Variants in DAB1 observed in about 807,000 individuals in gnomAD.
The protein encoded by DAB1 is DAB adaptor protein 1, also known as disabled homolog 1.
Under a neutral mutation model 64.6 loss-of-function variants are expected in DAB1, and 15 were observed. The ratio of observed to expected loss-of-function variants is 0.23; its 90% CI spans 0.16 to 0.36. The LOEUF is 0.36. Ranked by LOEUF, DAB1 falls within the 10% of genes least tolerant of loss-of-function variation. The pLI, the probability that DAB1 is intolerant of heterozygous loss-of-function variation, is 1.00. For synonymous variants in DAB1, 235 were observed against 251.9 expected (o/e 0.93, Z 0.64); for missense variants, 596 against 706.7 (o/e 0.84, Z 1.78).
intron 3 of DAB1, among the ~76,000 whole-genome samples, chr1:58,454,842 T>G (rs1009774626): frequency 6.6e-6 from 1 of 152,210 alleles, no homozygotes; most frequent in Non-Finnish European, 1.5e-5. Context: ...CACACCCTCT[T>G]CCTACCTTTG....
chr1:57,910,045 C>T (rs1362548092), intron 5 of DAB1, among the ~76,000 whole-genome samples: 1 of 152,186 alleles, frequency 6.6e-6, no homozygotes, highest in African/African-American at 2.4e-5. Context: ...GACTTGAGTT[C>T]CCATTAATTA....
At chr1:58,235,027 C>T (rs1316669317) in intron 4 of DAB1, among the ~76,000 whole-genome samples, 1 of 152,226 alleles carries the variant, frequency 6.6e-6, no homozygotes, top group African/African-American at 2.4e-5. Context: ...CTATTCGTGG[C>T]CTTGTCTCTA....
At chr1:58,147,685 C>T (rs1273023989) in intron 5 of DAB1, among the ~76,000 whole-genome samples, 1 of 151,852 alleles carries the variant, frequency 6.6e-6, no homozygotes, top group Non-Finnish European at 1.5e-5. Flanking sequence ...ATAGAACTAC[C>T]ATATGGCTCA....
intron 4 of DAB1, among the ~76,000 whole-genome samples, chr1:57,096,254 G>A (rs909729754): frequency 6.6e-6 from 1 of 152,112 alleles, no homozygotes; most frequent in African/African-American, 2.4e-5. Context: ...AATCCACAAA[G>A]CATACCAATT....
intron 1 of DAB1, among the ~76,000 whole-genome samples, chr1:57,318,503 C>T (rs893980422): frequency 1.3e-4 from 20 of 152,082 alleles, no homozygotes; most frequent in African/African-American, 4.1e-4. Context: ...ACTCAGCCTT[C>T]GAGAATCAGA....
At chr1:57,077,835 G>A (rs1652128304) in intron 4 of DAB1, among the ~76,000 whole-genome samples, 1 of 152,044 alleles carries the variant, frequency 6.6e-6, no homozygotes, top group African/African-American at 2.4e-5. Context: ...ATTAGTATGT[G>A]TGTGTATGTG....
At chr1:58,372,058 AG>A (rs1644268853) in intron 3 of DAB1, among the ~76,000 whole-genome samples, 1 of 152,176 alleles carries the variant, frequency 6.6e-6, no homozygotes, top group East Asian at 1.9e-4. Context: ...TGGAGCTGTA[AG>A]AAGAAGGCCA....
chr1:57,066,126 C>T (rs1453481028), intron 8 of DAB1, among the ~76,000 whole-genome samples: 13 of 152,040 alleles, frequency 8.6e-5, no homozygotes, highest in Middle Eastern at 3.2e-3. Context: ...TTAAAAATAA[C>T]GATACTTGAC....
At chr1:58,130,692 T>G (rs1653493767) in intron 5 of DAB1, among the ~76,000 whole-genome samples, 1 of 151,608 alleles carries the variant, frequency 6.6e-6, no homozygotes, top group Non-Finnish European at 1.5e-5. Flanking sequence ...GTCTGTAAAG[T>G]ATTTTATTTC....
intron 4 of DAB1, among the ~76,000 whole-genome samples, chr1:58,209,563 T>C (rs1658448945): frequency 6.6e-6 from 1 of 152,120 alleles, no homozygotes; most frequent in African/African-American, 2.4e-5. Flanking sequence ...TTGCATAATG[T>C]TTTCTTAAAG....
intron 1 of DAB1, among the ~76,000 whole-genome samples, chr1:57,387,620 G>A (rs56168067): frequency 0.082 from 12,470 of 152,000 alleles, 597 homozygotes; most frequent in Middle Eastern, 0.11. Context: ...TCAGGAGTTC[G>A]TGAGTAGCTT....
chr1:58,078,245 C>T (rs1649774494), intron 5 of DAB1, among the ~76,000 whole-genome samples: 1 of 152,206 alleles, frequency 6.6e-6, no homozygotes, highest in African/African-American at 2.4e-5. Context: ...TCTGCCCTGA[C>T]CCCCTAAATC....
At chr1:57,245,076 G>A (rs1668762215) in intron 2 of DAB1, among the ~76,000 whole-genome samples, 1 of 152,174 alleles carries the variant, frequency 6.6e-6, no homozygotes, top group Admixed American at 6.5e-5. Context: ...CTTGTTGAAT[G>A]GTTTTGAACA....
intron 3 of DAB1, among the ~76,000 whole-genome samples, chr1:58,421,909 C>T (rs930345532): frequency 6.6e-6 from 1 of 152,088 alleles, no homozygotes; most frequent in African/African-American, 2.4e-5. Context: ...TGAATCCCAG[C>T]TCAGCCACTT....
intron 1 of DAB1, among the ~76,000 whole-genome samples, chr1:57,291,411 G>C (rs1672764580): frequency 6.6e-6 from 1 of 152,082 alleles, no homozygotes; most frequent in Non-Finnish European, 1.5e-5. Flanking sequence ...ATTTATAAGA[G>C]GGACAAAACC....
At chr1:57,406,616 A>C (rs1683660555) in intron 1 of DAB1, among the ~76,000 whole-genome samples, 1 of 152,186 alleles carries the variant, frequency 6.6e-6, no homozygotes, top group Admixed American at 6.5e-5. Context: ...CATCATCTTC[A>C]TCATTGCATC....
At chr1:57,279,503 C>T (rs909195436) in intron 2 of DAB1, among the ~76,000 whole-genome samples, 4 of 152,124 alleles carry the variant, frequency 2.6e-5, no homozygotes, top group East Asian at 1.9e-4. Flanking sequence ...AGCAGGGTCT[C>T]GAATAGATAG....
At chr1:58,391,884 C>T (rs1367492573) in intron 3 of DAB1, among the ~76,000 whole-genome samples, 1 of 152,208 alleles carries the variant, frequency 6.6e-6, no homozygotes, top group Non-Finnish European at 1.5e-5. Context: ...GTAGAATTAA[C>T]ACATTTTATA....
intron 5 of DAB1, among the ~76,000 whole-genome samples, chr1:57,961,862 C>A (rs879469583): frequency 3.3e-5 from 5 of 151,790 alleles, no homozygotes; most frequent in Admixed American, 3.3e-4. Context: ...ATCCCAGCTA[C>A]TCGGGAGGCT....
Sources: gnomAD v4.1 joint callset for allele counts (sites outside exome capture counted in the v4.1 genomes callset) on GRCh38, gnomAD v4.1.1 for gene constraint, MANE v1.5 for transcripts, NCBI Gene and HGNC (gene_info 2026-07-23, HGNC 2026-07-21) for gene names.